RPGRIP1: variants seen among roughly 807,000 people sequenced by gnomAD.
RPGRIP1 encodes the protein X-linked retinitis pigmentosa GTPase regulator-interacting protein 1.
A neutral mutation model predicts 157.9 loss-of-function variants in RPGRIP1; 128 were observed. The observed-to-expected ratio is 0.81, with a 90% CI of 0.70 to 0.94. The LOEUF is 0.94. Among genes scored for constraint, RPGRIP1 ranks in the 40% least tolerant of loss-of-function variants. The pLI, the probability that RPGRIP1 is intolerant of heterozygous loss-of-function variation, is 0.00. For missense variants in RPGRIP1, 1,486 were observed against 1,545.8 expected (o/e 0.96, Z 0.65); for synonymous variants, 554 against 571.6 (o/e 0.97, Z 0.44).
At chr14:21,300,368 G>A (rs1382905715) in intron 3 of RPGRIP1, among the ~76,000 whole-genome samples, 1 of 150,894 alleles carries the variant, frequency 6.6e-6, no homozygotes, top group East Asian at 1.9e-4. Flanking sequence ...TGGGGGTTAA[G>A]GCTTCAACAT....
In RPGRIP1 at chr14:21,334,655, G is replaced by T; in HGVS notation, c.3289G>T (p.Asp1097Tyr). ...TGAAGTCAGTGAAGCACAAACTACC[G>T]ACAGTGATGATGTCATAGTGCCACC... ...GSEVSEAQTTDSDDVIVPPMS... is the reference protein window; with the variant it reads ...GSEVSEAQTTYSDDVIVPPMS... The change falls in exon 21 of 25, where the codon GAC becomes TAC. Residue 1097 changes from aspartate to tyrosine, a missense_variant. Transcript: ENST00000400017. 6.2e-7 allele frequency: 1 copy of T among 1,609,114 alleles called. No individual in the cohort carries two copies. Among genetic ancestry groups the T allele is most frequent in the Non-Finnish European group, 8.5e-7 (1 of 1,178,404 alleles).
intron 1 of RPGRIP1, among the ~76,000 whole-genome samples, chr14:21,285,719 A>G (rs1235051130): frequency 6.6e-6 from 1 of 151,878 alleles, no homozygotes; most frequent in Non-Finnish European, 1.5e-5. Flanking sequence ...GATTGGAGGA[A>G]TAAGAAGCGG....
At chr14:21,296,784 G>C (rs1190186606) in intron 3 of RPGRIP1, among the ~76,000 whole-genome samples, 1 of 151,718 alleles carries the variant, frequency 6.6e-6, no homozygotes, top group Non-Finnish European at 1.5e-5. Flanking sequence ...ATGAAACCCT[G>C]TCTCTACTAA....
At chr14:21,350,391 A>ACAAC (rs59849893) in intron 24 of RPGRIP1, among the ~76,000 whole-genome samples, 2 of 142,790 alleles carry the variant, frequency 1.4e-5, no homozygotes, top group East Asian at 4.1e-4. Flanking sequence ...AAAAAAAAAA[A>ACAAC]AAAAAGAAAA....
chr14:21,338,893 C>T (rs1212656596), intron 21 of RPGRIP1, among the ~76,000 whole-genome samples: 1 of 152,118 alleles, frequency 6.6e-6, no homozygotes, highest in Admixed American at 6.6e-5. Flanking sequence ...AATCCCAGCA[C>T]TTTGGGAGGT....
intron 18 of RPGRIP1, 86 bp downstream of exon 18, chr14:21,327,893 G>T (rs975896648): frequency 2.0e-5 from 22 of 1,076,648 alleles, no homozygotes; most frequent in Non-Finnish European, 2.7e-5. Context: ...GTTGAAGTAG[G>T]TGCAGTGGCT....
At chr14:21,323,545 CT>C (rs1882732357) in intron 14 of RPGRIP1, among the ~76,000 whole-genome samples, 1 of 152,038 alleles carries the variant, frequency 6.6e-6, no homozygotes, top group Non-Finnish European at 1.5e-5. Context: ...TTTGCTTTAG[CT>C]AATAGTTCTT....
At chr14:21,333,220 A>C (rs1330927955) in intron 20 of RPGRIP1, among the ~76,000 whole-genome samples, 4 of 152,234 alleles carry the variant, frequency 2.6e-5, no homozygotes, top group African/African-American at 9.6e-5. Flanking sequence ...TTGTTGAAAA[A>C]GAAGCTTATT....
At chr14:21,312,045 T>A in intron 9 of RPGRIP1, 75 bp downstream of exon 9, 1 of 1,339,106 alleles carries the variant, frequency 7.5e-7, no homozygotes, top group South Asian at 1.3e-5. Context: ...TTAGCAACAA[T>A]ATGAGTATTG....
intron 6 of RPGRIP1, among the ~76,000 whole-genome samples, chr14:21,305,783 C>T (rs1361448480): frequency 3.3e-5 from 5 of 152,094 alleles, no homozygotes; most frequent in Non-Finnish European, 7.4e-5. Flanking sequence ...ATAGCTTGAA[C>T]CCGAGAGGCA....
chr14:21,350,439 A>C (rs1420283411), intron 24 of RPGRIP1, among the ~76,000 whole-genome samples: 1 of 151,786 alleles, frequency 6.6e-6, no homozygotes, highest in East Asian at 1.9e-4. Flanking sequence ...TGTCTTGTGA[A>C]ACTTGTTTTA....
In RPGRIP1 at chr14:21,280,123, A is replaced by G. The variant is rs1247913673; in HGVS notation, c.-75A>G. Among the ~76,000 whole-genome samples, 1 of 152,220 alleles carries G rather than the reference A, an allele frequency of 6.6e-6. No individual in the cohort carries two copies. The highest frequency in any genetic ancestry group is 2.4e-5 in the African/African-American group (1 of 41,464). The stretch of plus-strand genomic sequence containing the variant: ...AAAGGACACCAGAACATTGAGAGAA[A>G]AGAATTAGCGACAGCTATCTGGAGC... On this transcript the variant is annotated 5_prime_UTR_variant, in exon 1 of 25. Transcript: ENST00000400017.
At chr14:21,290,988 G>A (rs1221612561) in intron 2 of RPGRIP1, among the ~76,000 whole-genome samples, 2 of 146,076 alleles carry the variant, frequency 1.4e-5, no homozygotes, top group Non-Finnish European at 3.0e-5. Flanking sequence ...GTGACAGAGC[G>A]AGACTCCATC....
chr14:21,347,294 G>A (rs1885662616), intron 23 of RPGRIP1, among the ~76,000 whole-genome samples: 1 of 152,204 alleles, frequency 6.6e-6, no homozygotes. Context: ...GAAGGCTCTT[G>A]TGAGAATAAA....
chr14:21,315,364 A>C (rs1420450119), intron 10 of RPGRIP1, among the ~76,000 whole-genome samples: 1 of 148,470 alleles, frequency 6.7e-6, no homozygotes, highest in Non-Finnish European at 1.5e-5. Context: ...AAAATTAGCC[A>C]GGCGTGGTGG....
At chr14:21,305,160 G>T (rs1448236630) in intron 6 of RPGRIP1, among the ~76,000 whole-genome samples, 1 of 152,094 alleles carries the variant, frequency 6.6e-6, no homozygotes, top group African/African-American at 2.4e-5. Flanking sequence ...CATCATTATA[G>T]CATCATACAG....
chr14:21,342,424 G>T (rs980113289), intron 21 of RPGRIP1, among the ~76,000 whole-genome samples: 16 of 151,674 alleles, frequency 1.1e-4, no homozygotes, highest in African/African-American at 3.9e-4. Context: ...TGTACCTGTG[G>T]TCCTAGCTAC....
chr14:21,346,197 A>G (rs1338170822), intron 23 of RPGRIP1, among the ~76,000 whole-genome samples: 1 of 152,170 alleles, frequency 6.6e-6, no homozygotes, highest in Non-Finnish European at 1.5e-5. Flanking sequence ...TTATTATTCC[A>G]ATAATCTGAA....
At chr14:21,297,755 C>G (rs1319677681) in intron 3 of RPGRIP1, among the ~76,000 whole-genome samples, 1 of 152,060 alleles carries the variant, frequency 6.6e-6, no homozygotes, top group Non-Finnish European at 1.5e-5. Context: ...GGGGAGGATC[C>G]AAGGAAACAG....
Sources: gnomAD v4.1 joint callset for allele counts (sites outside exome capture counted in the v4.1 genomes callset) on GRCh38, gnomAD v4.1.1 for gene constraint, MANE v1.5 for transcripts, NCBI Gene and HGNC (gene_info 2026-07-23, HGNC 2026-07-21) for gene names.